CSNK1G1: variants seen among roughly 807,000 people sequenced by gnomAD.
CSNK1G1 encodes the protein casein kinase I isoform gamma-1.
Under a neutral mutation model 59.6 loss-of-function variants are expected in CSNK1G1, and 22 were observed. That is an observed-to-expected ratio of 0.37 (90% confidence interval 0.26 to 0.53). The LOEUF (loss-of-function observed/expected upper bound fraction) is 0.53, where lower values mean the gene tolerates loss of function less well. Among genes scored for constraint, CSNK1G1 ranks in the 20% least tolerant of loss-of-function variants. The pLI is 0.89. For missense variants in CSNK1G1, 384 were observed against 519.5 expected (o/e 0.74, Z 2.54); for synonymous variants, 179 against 177.1 (o/e 1.01, Z -0.08).
intron 4 of CSNK1G1, among the ~76,000 whole-genome samples, chr15:64,234,408 A>C (rs2082588731): frequency 6.6e-6 from 1 of 152,136 alleles, no homozygotes; most frequent in Admixed American, 6.6e-5. Context: ...GTTGCTTTAA[A>C]CCTCAACTCA....
At chr15:64,197,558 G>A (rs1212802274) in intron 10 of CSNK1G1, among the ~76,000 whole-genome samples, 1 of 152,112 alleles carries the variant, frequency 6.6e-6, no homozygotes, top group African/African-American at 2.4e-5. Context: ...ACATTCATGT[G>A]GGCTGCCAAT....
At chr15:64,274,606 A>T (rs1273605393) in intron 2 of CSNK1G1, among the ~76,000 whole-genome samples, 3 of 152,188 alleles carry the variant, frequency 2.0e-5, no homozygotes, top group Admixed American at 6.5e-5. Flanking sequence ...AAGGAACTGC[A>T]TTACACAGTA....
chr15:64,257,351 T>C (rs1892437977), intron 3 of CSNK1G1, among the ~76,000 whole-genome samples: 1 of 152,100 alleles, frequency 6.6e-6, no homozygotes, highest in Non-Finnish European at 1.5e-5. Flanking sequence ...TATGTAGTAA[T>C]GTAGCAAATT....
chr15:64,354,591 A>C (rs964292412), intron 1 of CSNK1G1, among the ~76,000 whole-genome samples: 1 of 152,190 alleles, frequency 6.6e-6, no homozygotes, highest in African/African-American at 2.4e-5. Context: ...GAAGACACTG[A>C]AAGTCCTATT....
intron 4 of CSNK1G1, among the ~76,000 whole-genome samples, chr15:64,221,899 C>T (rs1443565760): frequency 2.0e-5 from 3 of 151,976 alleles, no homozygotes; most frequent in African/African-American, 7.3e-5. Flanking sequence ...CCAGAAATAC[C>T]ACTTGACCCA....
At chr15:64,292,914 G>A (rs1380895249) in intron 2 of CSNK1G1, among the ~76,000 whole-genome samples, 1 of 151,924 alleles carries the variant, frequency 6.6e-6, no homozygotes, top group Admixed American at 6.6e-5. Flanking sequence ...GTGATAGAGC[G>A]AGACTCCATC....
At chr15:64,190,042 G>A (rs1050413121) in intron 10 of CSNK1G1, among the ~76,000 whole-genome samples, 2 of 152,010 alleles carry the variant, frequency 1.3e-5, no homozygotes, top group African/African-American at 2.4e-5. Context: ...GGATGGTCTC[G>A]ATCTCCTGAC....
At chr15:64,280,229 T>A (rs761309144) in intron 2 of CSNK1G1, among the ~76,000 whole-genome samples, 14 of 152,114 alleles carry the variant, frequency 9.2e-5, no homozygotes, top group Non-Finnish European at 8.8e-5. Flanking sequence ...AATAAGCTTA[T>A]CAAATTCACT....
chr15:64,296,937 CT>C (rs960068624), intron 2 of CSNK1G1, among the ~76,000 whole-genome samples: 1,442 of 89,688 alleles, frequency 0.016, 18 homozygotes, highest in African/African-American at 0.058. Context: ...ACTATCGTTA[CT>C]TTTTTTTTTT....
intron 2 of CSNK1G1, among the ~76,000 whole-genome samples, chr15:64,262,602 C>T (rs995271434): frequency 6.6e-6 from 1 of 152,194 alleles, no homozygotes; most frequent in Non-Finnish European, 1.5e-5. Flanking sequence ...CAGGTCCCCA[C>T]TCTGAGGTAT....
intron 3 of CSNK1G1, among the ~76,000 whole-genome samples, chr15:64,252,377 A>G (rs1388925912): frequency 2.6e-5 from 4 of 151,878 alleles, no homozygotes; most frequent in African/African-American, 7.3e-5. Context: ...CTCACAGCTA[A>G]TTTTTAATTT....
intron 10 of CSNK1G1, among the ~76,000 whole-genome samples, chr15:64,184,881 G>A (rs762118517): frequency 6.6e-6 from 1 of 152,002 alleles, no homozygotes; most frequent in Non-Finnish European, 1.5e-5. Context: ...TCAATAATTT[G>A]GGTTATTAGT....
At chr15:64,316,935 G>C (rs765785731) in intron 1 of CSNK1G1, 9 of 152,140 alleles carry the variant, frequency 5.9e-5, no homozygotes, top group Non-Finnish European at 1.0e-4. Context: ...GACAGGAATT[G>C]CTCACTTGGA....
chr15:64,218,414 A>G (rs1313573706), intron 4 of CSNK1G1, among the ~76,000 whole-genome samples: 2 of 150,384 alleles, frequency 1.3e-5, no homozygotes, highest in Middle Eastern at 3.4e-3. Flanking sequence ...TTTTTTTTAG[A>G]CAGAGTCTCA....
At chr15:64,234,381 A>G (rs1221749414) in intron 4 of CSNK1G1, among the ~76,000 whole-genome samples, 3 of 152,202 alleles carry the variant, frequency 2.0e-5, no homozygotes, top group Admixed American at 1.3e-4. Flanking sequence ...TCCTGAGAGC[A>G]TAAAAGTTAG....
At chr15:64,352,872 TG>T (rs1161465183) in intron 1 of CSNK1G1, among the ~76,000 whole-genome samples, 3 of 151,216 alleles carry the variant, frequency 2.0e-5, no homozygotes, top group Non-Finnish European at 4.4e-5. Context: ...GCGGATCACT[TG>T]AGGTCAGGAG....
At chr15:64,189,813 T>G (rs2081946413) in intron 10 of CSNK1G1, among the ~76,000 whole-genome samples, 2 of 147,666 alleles carry the variant, frequency 1.4e-5, no homozygotes, top group African/African-American at 5.2e-5. Flanking sequence ...AGCTACAATT[T>G]ACTTTTTTTT....
intron 1 of CSNK1G1, among the ~76,000 whole-genome samples, chr15:64,349,745 T>C (rs2140491282): frequency 6.6e-6 from 1 of 152,028 alleles, no homozygotes; most frequent in Non-Finnish European, 1.5e-5. Context: ...TCTTTTACAG[T>C]TTAGTAACCC....
chr15:64,166,559 CCACACACA>C lies in CSNK1G1; in HGVS notation c.*5364_*5371del, dbSNP rs367927993. On this transcript the variant is annotated 3_prime_UTR_variant, in exon 12 of 12. Transcript: ENST00000303052. This position sits in a 1 kb window ranked among gnomAD's most constrained non-coding sequence, Gnocchi z 4.5. ...ACACGCACTCACGTGCGCACACACA[CCACACACA>C]CACACAGACACGCAGTCACACACTT... is the stretch of plus-strand genomic sequence containing the variant. 1.3e-5 allele frequency: 2 copies of C among 152,180 alleles called. No homozygotes were observed. The highest frequency in any genetic ancestry group is 2.9e-5 in the Non-Finnish European group (2 of 67,980). The allele number at this position is 152,180 out of a possible 1,614,324, so 9.4% of individuals were successfully genotyped here. A position where few individuals can be genotyped will look rare whatever the true frequency, so the allele number is the denominator to read the frequency against.
Sources: gnomAD v4.1 joint callset for allele counts (sites outside exome capture counted in the v4.1 genomes callset) on GRCh38, gnomAD v4.1.1 for gene constraint, Gnocchi (gnomAD v3.1) non-coding constraint, MANE v1.5 for transcripts, NCBI Gene and HGNC (gene_info 2026-07-23, HGNC 2026-07-21) for gene names.